ROBO2: variants seen among roughly 807,000 people sequenced by gnomAD.
ROBO2 encodes roundabout guidance receptor 2, also known as roundabout homolog 2.
A neutral mutation model predicts 160.8 loss-of-function variants in ROBO2; 53 were observed. That is an observed-to-expected ratio of 0.33 (90% confidence interval 0.26 to 0.41). The LOEUF is 0.41. Among genes scored for constraint, ROBO2 ranks in the 10% least tolerant of loss-of-function variants. The pLI is 1.00. For synonymous variants in ROBO2, 664 were observed against 611.7 expected (o/e 1.09, Z -1.26); for missense variants, 1,577 against 1,722.4 (o/e 0.92, Z 1.49).
At chr3:76,230,318 G>GA (rs368897104) in intron 2 of ROBO2, among the ~76,000 whole-genome samples, 199 of 147,870 alleles carry the variant, frequency 1.3e-3, no homozygotes, top group East Asian at 2.8e-3. Context: ...TTTCTCATTT[G>GA]AAAAAAAAAA....
At chr3:76,829,368 C>A (rs973465828) in intron 2 of ROBO2, among the ~76,000 whole-genome samples, 3 of 152,058 alleles carry the variant, frequency 2.0e-5, no homozygotes, top group Non-Finnish European at 4.4e-5. Flanking sequence ...CTAGAAAATC[C>A]TCCTAATGTA....
intron 6 of ROBO2, among the ~76,000 whole-genome samples, chr3:77,532,150 T>C (rs552764198): frequency 6.6e-6 from 1 of 152,268 alleles, no homozygotes; most frequent in African/African-American, 2.4e-5. Context: ...CCTTGTGTAC[T>C]TGGCAATGTC....
chr3:77,282,066 T>C (rs1342312644), intron 2 of ROBO2, among the ~76,000 whole-genome samples: 1 of 152,184 alleles, frequency 6.6e-6, no homozygotes, highest in East Asian at 1.9e-4. Context: ...GTAAATGCTA[T>C]GTAAATAGTT....
intron 2 of ROBO2, among the ~76,000 whole-genome samples, chr3:76,578,805 A>C (rs2085473590): frequency 6.6e-6 from 1 of 152,152 alleles, no homozygotes; most frequent in Non-Finnish European, 1.5e-5. Flanking sequence ...GGCATCTGTA[A>C]CTGGACACCT....
chr3:76,146,464 G>A (rs2071892398), intron 2 of ROBO2, among the ~76,000 whole-genome samples: 1 of 151,690 alleles, frequency 6.6e-6, no homozygotes, highest in Admixed American at 6.6e-5. Flanking sequence ...CTCTAATCTA[G>A]AGAGTGTCTC....
intron 2 of ROBO2, among the ~76,000 whole-genome samples, chr3:76,171,852 T>G (rs1280927237): frequency 6.6e-6 from 1 of 152,078 alleles, no homozygotes; most frequent in East Asian, 1.9e-4. Context: ...AAAGGGGATT[T>G]TAGAATCCAG....
chr3:77,619,746 G>C (rs1405396986), intron 22 of ROBO2, among the ~76,000 whole-genome samples: 6 of 152,124 alleles, frequency 3.9e-5, no homozygotes, highest in African/African-American at 1.4e-4. Flanking sequence ...AGTAGCCTAA[G>C]GCCTCTAGGT....
intron 2 of ROBO2, among the ~76,000 whole-genome samples, chr3:76,411,635 T>TC (rs1422273455): frequency 2.0e-5 from 3 of 152,148 alleles, no homozygotes; most frequent in African/African-American, 7.2e-5. Context: ...TATCCAACTC[T>TC]CCCTCCAACA....
chr3:77,129,970 C>T (rs530022834), intron 2 of ROBO2, among the ~76,000 whole-genome samples: 65 of 152,238 alleles, frequency 4.3e-4, no homozygotes, highest in Middle Eastern at 3.4e-3. Context: ...GAAATGACTT[C>T]TTGTTGCATA....
chr3:77,247,228 T>C (rs2089830172), intron 2 of ROBO2, among the ~76,000 whole-genome samples: 1 of 152,330 alleles, frequency 6.6e-6, no homozygotes, highest in South Asian at 2.1e-4. Context: ...TGTGGAATTG[T>C]GTCATACTAT....
intron 6 of ROBO2, among the ~76,000 whole-genome samples, chr3:77,530,070 T>C (rs1281926782): frequency 6.6e-6 from 1 of 151,962 alleles, no homozygotes; most frequent in Admixed American, 6.6e-5. Flanking sequence ...ATTATTTATA[T>C]TTGTTAATGC....
intron 2 of ROBO2, among the ~76,000 whole-genome samples, chr3:76,798,315 A>AGAAAGAAAG (rs201186154): frequency 6.8e-6 from 1 of 146,418 alleles, no homozygotes; most frequent in Admixed American, 6.8e-5. Context: ...AAAGAAAGAA[A>AGAAAGAAAG]AAAGAACGAA....
At position 76,258,134 on chromosome 3, in the gene ROBO2, C is replaced by T. The variant is rs1008366056; in HGVS notation, c.109+320532C>T. Among the ~76,000 whole-genome samples, 16 of 151,924 alleles carry T rather than the reference C, an allele frequency of 1.1e-4. No individual in the cohort carries two copies. In the East Asian group the frequency reaches 2.9e-3, roughly 28 times the overall value. On this transcript the variant is annotated intron_variant, in intron 2 of 26. Transcript: ENST00000487694. The stretch of plus-strand genomic sequence containing the variant: ...AAGTTGCCTCTTCTTTTGTATTAAG[C>T]GTCTTATCAAAACTAAACACTTTTT...
At chr3:77,027,710 A>G (rs1217966342) in intron 2 of ROBO2, among the ~76,000 whole-genome samples, 1 of 152,100 alleles carries the variant, frequency 6.6e-6, no homozygotes, top group African/African-American at 2.4e-5. Context: ...TCCAATTCAG[A>G]ACTCTAGTAA....
At chr3:77,506,353 G>A (rs1031790619) in intron 5 of ROBO2, among the ~76,000 whole-genome samples, 1 of 152,162 alleles carries the variant, frequency 6.6e-6, no homozygotes, top group African/African-American at 2.4e-5. Context: ...CTAAGAGAAA[G>A]TAGTGCTCAG....
At chr3:77,316,827 CAG>C in intron 2 of ROBO2, 1 of 1,308,160 alleles carries the variant, frequency 7.6e-7, no homozygotes, top group Non-Finnish European at 1.1e-6. Flanking sequence ...GGAGAGCTGA[CAG>C]TGTCAGTTTG....
intron 2 of ROBO2, among the ~76,000 whole-genome samples, chr3:76,063,072 T>C (rs2068119614): frequency 6.6e-6 from 1 of 152,222 alleles, no homozygotes; most frequent in Non-Finnish European, 1.5e-5. Flanking sequence ...GGTTACATTT[T>C]GTCACATATC....
intron 2 of ROBO2, among the ~76,000 whole-genome samples, chr3:76,074,107 C>T (rs1340206047): frequency 6.6e-6 from 1 of 150,472 alleles, no homozygotes; most frequent in Non-Finnish European, 1.5e-5. Flanking sequence ...ATCTCTGTGG[C>T]GCCTGTGTGG....
intron 21 of ROBO2, among the ~76,000 whole-genome samples, chr3:77,613,068 C>T (rs891465155): frequency 6.6e-6 from 1 of 152,018 alleles, no homozygotes; most frequent in African/African-American, 2.4e-5. Flanking sequence ...TTGACTAATG[C>T]CAAATACAAT....
Sources: allele counts gnomAD v4.1 joint callset (sites outside exome capture counted in the v4.1 genomes callset), GRCh38; gene constraint gnomAD v4.1.1; transcripts MANE v1.5; gene names NCBI Gene and HGNC (gene_info 2026-07-23, HGNC 2026-07-21).